ABI3BP: variants seen among roughly 807,000 people sequenced by gnomAD.
ABI3BP encodes the protein ABI family member 3 binding protein.
ABI3BP carries 216 observed loss-of-function variants against 268.6 expected under a neutral mutation model. The ratio of observed to expected loss-of-function variants is 0.80; its 90% CI spans 0.72 to 0.90. ABI3BP has a LOEUF of 0.90. Among genes scored for constraint, ABI3BP ranks in the 40% least tolerant of loss-of-function variants. ABI3BP has a pLI of 0.00. For synonymous variants in ABI3BP, 730 were observed against 730.0 expected (o/e 1.00, Z 0.00); for missense variants, 2,090 against 2,182.4 (o/e 0.96, Z 0.84).
chr3:100,834,660 G>A, intron 29 of ABI3BP, 24 bp downstream of exon 29: 5 of 1,532,522 alleles, frequency 3.3e-6, no homozygotes, highest in Non-Finnish European at 4.4e-6. Flanking sequence ...ATGCCACAGG[G>A]ACAAGGAACC....
At chr3:100,921,976 G>A (rs576409242) in intron 2 of ABI3BP, among the ~76,000 whole-genome samples, 12 of 152,360 alleles carry the variant, frequency 7.9e-5, no homozygotes, top group Middle Eastern at 3.4e-3. Context: ...AGACAAGGCT[G>A]TACTTAATAT....
intron 1 of ABI3BP, among the ~76,000 whole-genome samples, chr3:100,991,532 C>T (rs1170766279): frequency 6.6e-6 from 1 of 152,148 alleles, no homozygotes; most frequent in Non-Finnish European, 1.5e-5. Flanking sequence ...CTTCCACCCT[C>T]ACCCCAAACT....
chr3:100,899,079 C>A (rs1328356353), intron 3 of ABI3BP, among the ~76,000 whole-genome samples, 185 bp from the exon 4 acceptor site: 1 of 152,138 alleles, frequency 6.6e-6, no homozygotes, highest in Non-Finnish European at 1.5e-5. Flanking sequence ...GAATCAAATA[C>A]CTTTTTCAGA....
In ABI3BP at chr3:100,834,734, C is replaced by G. The variant is rs772967949; in HGVS notation, c.2231G>C (p.Arg744Pro). ...GCGTGGCGTGGTTTTATGTTTGGGA[C>G]GTGGACGACGTGTTCTTGTTCGTTG... ...TSQRTRTRRP[R>P]PKHKTTPRPE... Residue 744 changes from arginine to proline, a missense_variant, in exon 29 of 68, where the codon CGT (arginine) becomes CCT (proline). Physicochemically the swap from Arg to Pro is moderately radical, Grantham distance 103. Coordinates refer to ENST00000471714, the MANE Select transcript of ABI3BP (RefSeq NM_001375547.2). 1.9e-5 allele frequency: 29 copies of G among 1,535,490 alleles called. No individual in the cohort carries two copies. The highest frequency in any genetic ancestry group is 2.4e-5 in the Non-Finnish European group (27 of 1,146,530).
intron 1 of ABI3BP, among the ~76,000 whole-genome samples, chr3:100,935,611 C>T (rs1198967081): frequency 6.6e-6 from 1 of 151,480 alleles, no homozygotes; most frequent in Non-Finnish European, 1.5e-5. Context: ...TATCCATGAG[C>T]ACGGAATGTT....
intron 42 of ABI3BP, 27 bp from the exon 43 acceptor site, chr3:100,816,795 T>C (rs1037408636): frequency 6.6e-7 from 1 of 1,526,084 alleles, no homozygotes; most frequent in East Asian, 2.4e-5. Flanking sequence ...TGGATTACTC[T>C]AGTGCAGGTG....
chr3:100,825,775 G>A lies in ABI3BP; in HGVS notation c.2662+10C>T. ...CTTGGCAAACAGCCAGGTAATTGTA[G>A]GGTCGTTACCTAAGGTTGTTGCAGG... On this transcript the variant is annotated intron_variant, in intron 35 of 67. Transcript: ENST00000471714. The A allele has an allele frequency of 6.5e-7, 1 of 1,532,910 alleles. No individual in the cohort carries two copies. 95.0% of individuals were successfully genotyped at this position (1,532,910 alleles called of 1,614,324 possible).
intron 20 of ABI3BP, among the ~76,000 whole-genome samples, chr3:100,844,841 C>T (rs1043583907): frequency 6.6e-6 from 1 of 152,106 alleles, no homozygotes; most frequent in East Asian, 1.9e-4. Flanking sequence ...AACACATTAG[C>T]CTCCAAGTAA....
At position 100,751,798 on chromosome 3, in the gene ABI3BP, A is replaced by G. The variant is rs1013618224; in HGVS notation, c.5123-124T>C. The G allele has an allele frequency of 1.7e-5, 16 of 963,596 alleles. No homozygotes were observed. The African/African-American group carries it at 2.7e-4, about 16-fold the overall frequency. 59.7% of individuals were successfully genotyped at this position (963,596 alleles called of 1,614,324 possible). A position where few individuals can be genotyped will look rare whatever the true frequency, so the allele number is the denominator to read the frequency against. ...TTCTCTATTACCCTAGTTCAAACCA[A>G]CAATGTTTCTTGCCTACCTGTATTC... On this transcript the variant is annotated intron_variant, in intron 66 of 67. Coordinates refer to ENST00000471714, the MANE Select transcript of ABI3BP (RefSeq NM_001375547.2).
chr3:100,820,240 T>C lies in ABI3BP; in HGVS notation c.3011A>G (p.Glu1004Gly). 6.5e-7 allele frequency: 1 copy of C among 1,536,220 alleles called. No individual in the cohort carries two copies. The highest frequency in any genetic ancestry group is 8.7e-7 in the Non-Finnish European group (1 of 1,146,852). The stretch of plus-strand genomic sequence containing the variant: ...TTTACCCAGTTTGGTTTGAGGAACC[T>C]CAGGACTTGGTGTGGTTTTAGTTTT... ...RPKTKTTPSPEVPQTKLVPST... is the reference protein window; with the variant it reads ...RPKTKTTPSPGVPQTKLVPST... The change falls in exon 40 of 68, where the codon GAG becomes GGG. Residue 1004 changes from glutamate to glycine, a missense_variant. By Grantham distance (98) the Glu-to-Gly change is moderately conservative. Coordinates refer to ENST00000471714, the MANE Select transcript of ABI3BP (RefSeq NM_001375547.2).
At chr3:100,945,468 A>G (rs2071676007) in intron 1 of ABI3BP, 1 of 245,804 alleles carries the variant, frequency 4.1e-6, no homozygotes, top group African/African-American at 2.3e-5. Flanking sequence ...CCATTACTCT[A>G]AAACATTCCA....
At chr3:100,991,845 C>T (rs567580135) in intron 1 of ABI3BP, among the ~76,000 whole-genome samples, 10 of 151,858 alleles carry the variant, frequency 6.6e-5, no homozygotes, top group Admixed American at 3.3e-4. Context: ...GATTGCAACA[C>T]GATAATTAAA....
chr3:100,879,240 T>C (rs1374932406), intron 6 of ABI3BP, among the ~76,000 whole-genome samples: 8 of 152,216 alleles, frequency 5.3e-5, no homozygotes, highest in Admixed American at 4.6e-4. Flanking sequence ...CTGAGACTTT[T>C]AAGTGCTTGG....
At chr3:100,889,476 T>TTTTAATGTGTA (rs1399432855) in intron 4 of ABI3BP, among the ~76,000 whole-genome samples, 1 of 152,176 alleles carries the variant, frequency 6.6e-6, no homozygotes, top group African/African-American at 2.4e-5. Context: ...TTAGTTTTTG[T>TTTTAATGTGTA]TTTAATGTGT....
chr3:100,949,982 A>C (rs905591776), intron 1 of ABI3BP, among the ~76,000 whole-genome samples: 2 of 152,218 alleles, frequency 1.3e-5, no homozygotes, highest in Non-Finnish European at 1.5e-5. Flanking sequence ...TATTAATCAT[A>C]GAACTCTCTC....
At chr3:100,923,615 C>T (rs947814931) in intron 2 of ABI3BP, among the ~76,000 whole-genome samples, 3 of 152,144 alleles carry the variant, frequency 2.0e-5, no homozygotes, top group Non-Finnish European at 2.9e-5. Context: ...AGCATCAACT[C>T]ATAACAATGA....
At chr3:100,751,735 T>C (rs1302388833) in intron 66 of ABI3BP, 61 bp from the exon 67 acceptor site, 1 of 1,469,636 alleles carries the variant, frequency 6.8e-7, no homozygotes, top group Non-Finnish European at 9.1e-7. Context: ...GTGACAATTT[T>C]GAAATCATCA....
At position 100,824,914 on chromosome 3, in the gene ABI3BP, G is replaced by A. The variant is rs1367480637; in HGVS notation, c.2690C>T (p.Pro897Leu). ...LATKTSKRTR[P>L]PRPRPKTTPS... ...TGTAGTTTTAGGTCTGGGACGTGGA[G>A]GGCGGGTTCTTTTTGATGTTTTGGT... Residue 897 changes from proline (P) to leucine (L), a missense_variant, in exon 36 of 68, where the codon CCT becomes CTT. Physicochemically the swap from Pro to Leu is moderately conservative, Grantham distance 98. Coordinates refer to ENST00000471714, the MANE Select transcript of ABI3BP (RefSeq NM_001375547.2). The A allele has an allele frequency of 1.3e-6, 2 of 1,535,868 alleles. No individual in the cohort carries two copies. The highest frequency in any genetic ancestry group is 1.7e-6 in the Non-Finnish European group (2 of 1,146,634).
intron 21 of ABI3BP, among the ~76,000 whole-genome samples, chr3:100,841,386 T>A (rs2098700273): frequency 6.6e-6 from 1 of 151,860 alleles, no homozygotes; most frequent in African/African-American, 2.4e-5. Context: ...CATAAATATA[T>A]CCTATGAAAG....
Sources: allele counts gnomAD v4.1 joint callset (sites outside exome capture counted in the v4.1 genomes callset), GRCh38; gene constraint gnomAD v4.1.1; transcripts MANE v1.5; gene names NCBI Gene and HGNC (gene_info 2026-07-23, HGNC 2026-07-21).